Variants in ZNF462 observed in about 807,000 individuals in gnomAD.
ZNF462 encodes zinc finger protein 462.
In ZNF462, 10 loss-of-function variants were observed where a neutral mutation model predicts 201.9. The observed-to-expected ratio is 0.05, with a 90% confidence interval of 0.03 to 0.08. ZNF462 has a LOEUF of 0.08. ZNF462 is among the 10% of genes least tolerant of loss of function. The probability of loss-of-function intolerance (pLI) is 1.00; values close to 1 mark genes in which losing one functional copy is unlikely to be tolerated. For synonymous variants in ZNF462, 1,227 were observed against 1,193.3 expected (o/e 1.03, Z -0.58); for missense variants, 2,523 against 3,168.3 (o/e 0.80, Z 4.89).
chr9:106,943,830 C>T (rs959865494), intron 7 of ZNF462, among the ~76,000 whole-genome samples: 4 of 152,142 alleles, frequency 2.6e-5, no homozygotes, highest in South Asian at 2.1e-4. Flanking sequence ...TACATTTTAA[C>T]TCCACTAACC....
chr9:106,923,322 C>T lies in ZNF462; in HGVS notation c.-30-32C>T, dbSNP rs1188987012. 3 of 1,545,178 alleles carry T rather than the reference C, an allele frequency of 1.9e-6. No individual in the cohort carries two copies. Among genetic ancestry groups the T allele is most frequent in the Non-Finnish European group, 2.7e-6 (3 of 1,119,244 alleles). On this transcript the variant is annotated intron_variant, in intron 1 of 12. Transcript: ENST00000277225. The surrounding 1 kb of genome is among the most constrained non-coding windows in gnomAD (Gnocchi z 5.6). ...CTCGAGGTATGTGATTAGTGCATTC[C>T]TTAAGATGTTTTGTTCTGACTTCTG...
At position 107,011,088 on chromosome 9, in the gene ZNF462, G is replaced by A. The variant is rs1036188650; in HGVS notation, c.*58G>A. The A allele has an allele frequency of 1.6e-5, 25 of 1,555,998 alleles. No individual in the cohort carries two copies. Among genetic ancestry groups the A allele is most frequent in the Admixed American group, 8.5e-5 (5 of 58,984 alleles). The stretch of plus-strand genomic sequence containing the variant: ...TGAACAGTGATGAAAAAGTGGGAGG[G>A]CTGGCTTGGGCTGAGAAGGGAGGGA... On this transcript the variant is annotated 3_prime_UTR_variant, in exon 13 of 13. Transcript: ENST00000277225. This position sits in a 1 kb window ranked among gnomAD's most constrained non-coding sequence, Gnocchi z 5.6.
At chr9:106,911,313 TA>T (rs1829540498) in intron 1 of ZNF462, among the ~76,000 whole-genome samples, 2 of 152,200 alleles carry the variant, frequency 1.3e-5, no homozygotes, top group African/African-American at 4.8e-5. Context: ...GTGTAGCTAT[TA>T]TTGCATTCAT....
Position 106,928,210 on chromosome 9 carries a change from T to A in ZNF462, c.4298T>A (p.Ile1433Lys). Residue 1433 changes from isoleucine to lysine, a missense_variant, in exon 3 of 13, where the codon ATA (isoleucine) becomes AAA (lysine). Coordinates refer to ENST00000277225, the MANE Select transcript of ZNF462 (RefSeq NM_021224.6). The surrounding 1 kb of genome is among the most constrained non-coding windows in gnomAD (Gnocchi z 9.3). ...LAGPVNCENS[I>K]PTPFPEQEAE... ...GGCCCTGTGAATTGTGAAAACAGTA[T>A]ACCCACCCCTTTCCCGGAGCAGGAA... The A allele has an allele frequency of 6.2e-7, 1 of 1,614,014 alleles. No homozygotes were observed. The highest frequency in any genetic ancestry group is 1.1e-5 in the South Asian group (1 of 91,082).
intron 11 of ZNF462, among the ~76,000 whole-genome samples, chr9:107,004,716 T>G (rs1829426704): frequency 6.6e-6 from 1 of 152,204 alleles, no homozygotes; most frequent in African/African-American, 2.4e-5. Context: ...ACTTGTCATT[T>G]TTTATGGTGA....
At chr9:106,943,099 G>C (rs941826753) in intron 7 of ZNF462, among the ~76,000 whole-genome samples, 10 of 100,648 alleles carry the variant, frequency 9.9e-5, no homozygotes, top group Non-Finnish European at 1.6e-4. Context: ...TGTGTTTGCT[G>C]GTGCCTTAGT....
intron 10 of ZNF462, among the ~76,000 whole-genome samples, chr9:106,991,546 A>C (rs934251804): frequency 6.6e-6 from 1 of 151,966 alleles, no homozygotes; most frequent in African/African-American, 2.4e-5. Flanking sequence ...AACTGGCCCT[A>C]AAATTTATAT....
rs1251757345 is a variant in ZNF462, at chr9:106,902,084, GT to G, written c.-30-21269del. ...CATAGATGGCTTTTATTACATTAAG[GT>G]ATGTCTCTCGTATGCTGATTTTGCC... is the stretch of plus-strand genomic sequence containing the variant. On this transcript the variant is annotated intron_variant, in intron 1 of 12. Coordinates refer to ENST00000277225, the MANE Select transcript of ZNF462 (RefSeq NM_021224.6). This position sits in a 1 kb window ranked among gnomAD's most constrained non-coding sequence, Gnocchi z 4.2. 6.6e-6 allele frequency among the ~76,000 whole-genome samples: 1 copy of G among 152,016 alleles called. No homozygotes were observed. The highest frequency in any genetic ancestry group is 6.6e-5 in the Admixed American group (1 of 15,262).
In ZNF462 at chr9:106,865,880, A is replaced by C. The variant is rs1827308725; in HGVS notation, c.-31+2525A>C. ...CATTGATGGGAGCTCTTCACATATT[A>C]GTTTTAGAGAATGTACATAATTGAC... is the stretch of plus-strand genomic sequence containing the variant. On this transcript the variant is annotated intron_variant, in intron 1 of 12. Coordinates refer to ENST00000277225, the MANE Select transcript of ZNF462 (RefSeq NM_021224.6). The surrounding 1 kb of genome is among the most constrained non-coding windows in gnomAD (Gnocchi z 4.1). Among the ~76,000 whole-genome samples, 1 of 152,190 alleles carries C rather than the reference A, an allele frequency of 6.6e-6. No individual in the cohort carries two copies. Among genetic ancestry groups the C allele is most frequent in the Non-Finnish European group, 1.5e-5 (1 of 68,036 alleles).
intron 1 of ZNF462, among the ~76,000 whole-genome samples, chr9:106,921,889 T>G (rs1292431245): frequency 6.6e-6 from 1 of 152,176 alleles, no homozygotes; most frequent in Non-Finnish European, 1.5e-5. Flanking sequence ...GAAAAGAGTC[T>G]GGTGCACAGT....
rs1357047937 is a variant in ZNF462 at position 106,933,653 on chromosome 9, A to G, written c.6116+1104A>G. Among the ~76,000 whole-genome samples the G allele has an allele frequency of 1.3e-5, 2 of 152,202 alleles. No individual in the cohort carries two copies. Among genetic ancestry groups the G allele is most frequent in the Admixed American group, 6.5e-5 (1 of 15,284 alleles). On this transcript the variant is annotated intron_variant, in intron 5 of 12. Transcript: ENST00000277225. The surrounding 1 kb of genome is among the most constrained non-coding windows in gnomAD (Gnocchi z 4.3). The stretch of plus-strand genomic sequence containing the variant: ...TTATGAAATTAAAAAAAAACAAAAC[A>G]AAACCCACTGACTCATCAAAATAAA...
chr9:106,974,449 C>G lies in ZNF462; in HGVS notation c.6832+176C>G. ...CAGCCAAAAGGGCAAAAACACCTTC[C>G]TGCTGGGAGTATTTCCTCCACCTGG... On this transcript the variant is annotated intron_variant, in intron 9 of 12. Transcript: ENST00000277225. The surrounding 1 kb of genome is among the most constrained non-coding windows in gnomAD (Gnocchi z 4.0). 1 of 909,844 alleles carries G rather than the reference C, an allele frequency of 1.1e-6. No individual in the cohort carries two copies. The highest frequency in any genetic ancestry group is 1.5e-5 in the South Asian group (1 of 68,374). 56.4% of individuals were successfully genotyped at this position (909,844 alleles called of 1,614,324 possible).
rs771139886 is a variant in ZNF462, at chr9:107,010,806, G to C, written c.7314-17G>C. ...ATATACTATACTCATCTGTCTCTTCGATAAATGTTTTTCCAGGGCATTGAA... is the reference window on the plus strand; with the variant it reads ...ATATACTATACTCATCTGTCTCTTCCATAAATGTTTTTCCAGGGCATTGAA... On this transcript the variant is annotated splice_polypyrimidine_tract_variant and intron_variant, in intron 12 of 12. Coordinates refer to ENST00000277225, the MANE Select transcript of ZNF462 (RefSeq NM_021224.6). This position sits in a 1 kb window ranked among gnomAD's most constrained non-coding sequence, Gnocchi z 4.6. 1 of 1,605,130 alleles carries C rather than the reference G, an allele frequency of 6.2e-7. No homozygotes were observed.
rs1311682609 is a variant in ZNF462, at chr9:106,974,211, C to T, written c.6770C>T (p.Pro2257Leu). Residue 2257 changes from proline (P) to leucine (L), a missense_variant, in exon 9 of 13, where the codon CCT becomes CTT. Pro to Leu is a moderately conservative substitution (Grantham distance 98). This residue lies in a region of ZNF462 where 228 missense variants were observed against 361.2 expected (regional missense o/e 0.63). Coordinates refer to ENST00000277225, the MANE Select transcript of ZNF462 (RefSeq NM_021224.6). The surrounding 1 kb of genome is among the most constrained non-coding windows in gnomAD (Gnocchi z 4.0). ...PEEGPKDLRC[P>L]LCLYHTKYKR... is the part of the protein sequence containing the mutation. The stretch of plus-strand genomic sequence containing the variant: ...GAGGGCCCCAAAGATCTTCGCTGTC[C>T]TCTCTGCCTCTATCACACCAAATAC... 6.2e-7 allele frequency: 1 copy of T among 1,614,166 alleles called. No individual in the cohort carries two copies. The highest frequency in any genetic ancestry group is 8.5e-7 in the Non-Finnish European group (1 of 1,180,036).
intron 5 of ZNF462, among the ~76,000 whole-genome samples, chr9:106,934,330 G>A (rs890472165): frequency 4.6e-5 from 7 of 151,950 alleles, no homozygotes; most frequent in African/African-American, 1.7e-4. Context: ...GGGGGCTGGG[G>A]GACAAGGAAT....
At chr9:106,947,644 G>T (rs538506038) in intron 7 of ZNF462, among the ~76,000 whole-genome samples, 1 of 152,266 alleles carries the variant, frequency 6.6e-6, no homozygotes, top group East Asian at 1.9e-4. Context: ...ATGCATTGGA[G>T]GTATAAATGA....
intron 1 of ZNF462, among the ~76,000 whole-genome samples, chr9:106,879,282 G>A (rs1827976076): frequency 6.6e-6 from 1 of 151,752 alleles, no homozygotes; most frequent in South Asian, 2.1e-4. Flanking sequence ...GCAGAAGGAA[G>A]GGAAGCAGTC....
At chr9:106,915,839 G>T (rs187791330) in intron 1 of ZNF462, among the ~76,000 whole-genome samples, 1 of 152,200 alleles carries the variant, frequency 6.6e-6, no homozygotes, top group Non-Finnish European at 1.5e-5. Context: ...CCATGGTTTG[G>T]AGAAAGACAC....
intron 1 of ZNF462, among the ~76,000 whole-genome samples, chr9:106,916,283 C>G (rs1394736696): frequency 6.6e-6 from 1 of 152,108 alleles, no homozygotes; most frequent in Non-Finnish European, 1.5e-5. Flanking sequence ...CACCCAAGGC[C>G]CAAGGTCAGT....
Sources: gnomAD v4.1 joint callset for allele counts (sites outside exome capture counted in the v4.1 genomes callset) on GRCh38, gnomAD v4.1.1 for gene constraint, gnomAD v4.1.1 regional missense constraint, Gnocchi (gnomAD v3.1) non-coding constraint, MANE v1.5 for transcripts, NCBI Gene and HGNC (gene_info 2026-07-23, HGNC 2026-07-21) for gene names.